Variants in UBA52 observed in about 807,000 individuals in gnomAD.
UBA52 encodes the protein ubiquitin-ribosomal protein eL40 fusion protein.
UBA52 carries 1 observed loss-of-function variant against 15.3 expected under a neutral mutation model. The ratio of observed to expected loss-of-function variants is 0.07; its 90% CI spans 0.02 to 0.31. The LOEUF is 0.31. Ranked by LOEUF, UBA52 falls within the 10% of genes least tolerant of loss-of-function variation. The probability of loss-of-function intolerance (pLI) is 1.00; values close to 1 mark genes in which losing one functional copy is unlikely to be tolerated. For synonymous variants in UBA52, 50 were observed against 58.3 expected (o/e 0.86, Z 0.65); for missense variants, 87 against 168.0 (o/e 0.52, Z 2.66).
chr19:18,571,284 T>A (rs550185212), upstream of UBA52, among the ~76,000 whole-genome samples: 2 of 128,898 alleles, frequency 1.6e-5, no homozygotes, highest in East Asian at 4.6e-4. Flanking sequence ...CACTACAGCC[T>A]GGGCAACGAG....
upstream of UBA52, chr19:18,568,265 CAAAAAAAA>C (rs397859705): frequency 1.2e-5 from 6 of 501,914 alleles, no homozygotes; most frequent in Admixed American, 3.9e-5. Context: ...AACTCCGTCT[CAAAAAAAA>C]AAAAAAAAAA....
chr19:18,571,365 C>T (rs1975473892), upstream of UBA52, among the ~76,000 whole-genome samples: 2 of 151,688 alleles, frequency 1.3e-5, no homozygotes, highest in South Asian at 4.2e-4. Flanking sequence ...TGTCAGGCAC[C>T]ACCACCTTTC....
intron 2 of UBA52, 104 bp from the exon 3 acceptor site, chr19:18,573,558 G>T: frequency 1.3e-5 from 18 of 1,377,426 alleles, no homozygotes; most frequent in Admixed American, 5.4e-5. Flanking sequence ...TTCTACCTCA[G>T]TTGGCCTTTT....
rs1278095321 is a variant in UBA52 at position 18,575,394 on chromosome 19, A to G, written c.*244A>G. 4 of 517,236 alleles carry G rather than the reference A, an allele frequency of 7.7e-6. No individual in the cohort carries two copies. Among genetic ancestry groups the G allele is most frequent in the East Asian group, 3.4e-5 (1 of 29,150 alleles). 32.0% of individuals were successfully genotyped at this position (517,236 alleles called of 1,614,324 possible). A position where few individuals can be genotyped will look rare whatever the true frequency, so the allele number is the denominator to read the frequency against. ...CATTGGTCCCTGCCCTATGCCCCTG[A>G]CTCTGGATTTGTCATCTGTAAAACT... is the stretch of plus-strand genomic sequence containing the variant. On this transcript the variant is annotated 3_prime_UTR_variant, in exon 5 of 5. Coordinates refer to ENST00000442744, the MANE Select transcript of UBA52 (RefSeq NM_001033930.3).
intron 3 of UBA52, 43 bp downstream of exon 3, chr19:18,573,791 GGTC>G (rs1248762393): frequency 6.3e-7 from 1 of 1,589,922 alleles, no homozygotes. Flanking sequence ...AAGATCCCCA[GGTC>G]CTAGGAAAGG....
chr19:18,574,755 G>C (rs1975699122), intron 3 of UBA52, 115 bp from the exon 4 acceptor site: 10 of 1,304,634 alleles, frequency 7.7e-6, no homozygotes, highest in Non-Finnish European at 1.0e-5. Context: ...ATCCCGACTT[G>C]GTGTCCCCAT....
At chr19:18,573,780 C>G in intron 3 of UBA52, 32 bp downstream of exon 3, 1 of 1,601,840 alleles carries the variant, frequency 6.2e-7, no homozygotes, top group Non-Finnish European at 8.5e-7. Context: ...GGCAGGGACC[C>G]AAGATCCCCA....
the UBA52 span, among the ~76,000 whole-genome samples, chr19:18,565,831 G>A: frequency 3.2e-3 from 487 of 152,262 alleles, 3 homozygotes; most frequent in African/African-American, 0.011. Context: ...GGGACTACAG[G>A]CGCATGCTGC....
intron 3 of UBA52, among the ~76,000 whole-genome samples, chr19:18,574,655 C>A (rs1975691642): frequency 6.6e-6 from 1 of 152,192 alleles, no homozygotes; most frequent in African/African-American, 2.4e-5. Context: ...CTCAGACTCC[C>A]CCCAGGGCTC....
the UBA52 span, among the ~76,000 whole-genome samples, chr19:18,564,578 G>A: frequency 6.6e-5 from 10 of 152,152 alleles, no homozygotes; most frequent in South Asian, 2.1e-4. Context: ...AGCCGAGATC[G>A]CGCCACTGCA....
At chr19:18,568,356 A>T (rs375064626), upstream of UBA52, 1 of 1,432,292 alleles carries the variant, frequency 7.0e-7, no homozygotes, top group Non-Finnish European at 9.8e-7. Flanking sequence ...TACATCACAG[A>T]GCTTGGCAAG....
rs1327236114 is a variant in UBA52 at position 18,573,290 on chromosome 19, C to T, written c.-8-3C>T. The T allele has an allele frequency of 6.2e-7, 1 of 1,613,838 alleles. No individual in the cohort carries two copies. Among genetic ancestry groups the T allele is most frequent in the Non-Finnish European group, 8.5e-7 (1 of 1,179,812 alleles). ...GTCTATCCTGCCTCCCTTCCTCCTG[C>T]AGACGCAAACATGCAGATCTTTGTG... On this transcript the variant is annotated splice_region_variant and splice_polypyrimidine_tract_variant and intron_variant, in intron 1 of 4. Transcript: ENST00000442744.
intron 1 of UBA52, chr19:18,572,239 A>C (rs1600613378): frequency 6.6e-6 from 1 of 152,318 alleles, no homozygotes; most frequent in East Asian, 1.9e-4. Flanking sequence ...GGAAATACTA[A>C]ATTTCTCGAG....
At chr19:18,570,772 C>T (rs1975452839), upstream of UBA52, among the ~76,000 whole-genome samples, 1 of 151,824 alleles carries the variant, frequency 6.6e-6, no homozygotes, top group Non-Finnish European at 1.5e-5. Context: ...ATTGCAACCT[C>T]TGCCTCCCGG....
rs10419390 is a variant in UBA52 at position 18,577,488 on chromosome 19, A to G, written c.*2338A>G. ...CTCCTGGTCCGTGGACTCTTTTTGA[A>G]CTGTTAACACTCCCCGCAAAGGTCC... On this transcript the variant is annotated 3_prime_UTR_variant, in exon 5 of 5. Coordinates refer to ENST00000442744, the MANE Select transcript of UBA52 (RefSeq NM_001033930.3). 8.9e-4 allele frequency: 136 copies of G among 152,240 alleles called. 1 individual carries two copies. The highest frequency in any genetic ancestry group is 2.9e-3 in the African/African-American group (121 of 41,554). 9.4% of individuals were successfully genotyped at this position (152,240 alleles called of 1,614,324 possible). A position where few individuals can be genotyped will look rare whatever the true frequency, so the allele number is the denominator to read the frequency against.
Position 18,573,346 on chromosome 19 carries a change from G to C in UBA52, c.46G>C (p.Glu16Gln), listed in dbSNP as rs1975603824. The C allele has an allele frequency of 1.2e-6, 2 of 1,614,122 alleles. No individual in the cohort carries two copies. Among genetic ancestry groups the C allele is most frequent in the South Asian group, 1.1e-5 (1 of 91,086 alleles). The change falls in exon 2 of 5, where the codon GAG becomes CAG. Residue 16 changes from glutamate to glutamine, a missense_variant. Physicochemically the swap from Glu to Gln is conservative, Grantham distance 29 (BLOSUM62 2). Coordinates refer to ENST00000442744, the MANE Select transcript of UBA52 (RefSeq NM_001033930.3). ...CCTCACTGGCAAAACCATCACCCTT[G>C]AGGTCGAGCCCAGTGACACCATTGA... ...KTLTGKTITL[E>Q]VEPSDTIENV...
chr19:18,568,233 CT>C (rs1322456949), upstream of UBA52, among the ~76,000 whole-genome samples: 4 of 149,716 alleles, frequency 2.7e-5, no homozygotes, highest in East Asian at 7.8e-4. Flanking sequence ...TACCATTGCA[CT>C]CTAGCCTGGG....
chr19:18,567,087 A>T, upstream of UBA52: 1 of 1,601,364 alleles, frequency 6.2e-7, no homozygotes, highest in Non-Finnish European at 8.5e-7. Context: ...GGCCCAGCCT[A>T]CCTGCTCAGC....
Position 18,573,717 on chromosome 19 carries a change from C to T in UBA52, c.159C>T (p.Gly53=), listed in dbSNP as rs1341854616. 2.5e-6 allele frequency: 4 copies of T among 1,614,158 alleles called. No homozygotes were observed. The highest frequency in any genetic ancestry group is 3.4e-6 in the Non-Finnish European group (4 of 1,180,028). ...TTGCCGGCAAACAGCTGGAGGATGGCCGCACTCTCTCAGACTACAACATCC... is the reference window on the plus strand; with the variant it reads ...TTGCCGGCAAACAGCTGGAGGATGGTCGCACTCTCTCAGACTACAACATCC... ...LIFAGKQLED[G]RTLSDYNIQK... The change falls in exon 3 of 5, where the codon GGC becomes GGT. Residue 53 remains glycine (G), a synonymous_variant. Transcript: ENST00000442744.
Sources: gnomAD v4.1 joint callset for allele counts (sites outside exome capture counted in the v4.1 genomes callset) on GRCh38, gnomAD v4.1.1 for gene constraint, MANE v1.5 for transcripts, NCBI Gene and HGNC (gene_info 2026-07-23, HGNC 2026-07-21) for gene names.